The following FLRT1 variants were observed in gnomAD, a reference collection of about 807,000 sequenced individuals.
FLRT1 encodes leucine-rich repeat transmembrane protein FLRT1.
Under a neutral mutation model 30.9 loss-of-function variants are expected in FLRT1, and 14 were observed. That is an observed-to-expected ratio of 0.45 (90% CI 0.30 to 0.71). The LOEUF (loss-of-function observed/expected upper bound fraction) is 0.71. FLRT1 is among the 30% of genes least tolerant of loss of function. The pLI is 0.08. For missense variants in FLRT1, 737 were observed against 949.2 expected (o/e 0.78, Z 2.94); for synonymous variants, 368 against 430.4 (o/e 0.85, Z 1.80).
chr11:64,102,929 G>A (rs542648623), intron 1 of FLRT1, among the ~76,000 whole-genome samples: 22 of 152,238 alleles, frequency 1.4e-4, no homozygotes, highest in African/African-American at 5.3e-4. Context: ...AAATTAGCCG[G>A]GTGTGGTGGC....
intron 1 of FLRT1, among the ~76,000 whole-genome samples, chr11:64,062,220 C>G (rs1943918579): frequency 1.3e-5 from 2 of 152,072 alleles, no homozygotes; most frequent in South Asian, 2.1e-4. Context: ...TTCCACCTCC[C>G]CTTTGCTTCT....
Position 64,100,462 on chromosome 11 carries a change from T to C in FLRT1, c.-1037-2732T>C, listed in dbSNP as rs144372373. Among the ~76,000 whole-genome samples the C allele has an allele frequency of 5.1e-3, 775 of 152,298 alleles. 6 individuals carry two copies. Among genetic ancestry groups the C allele is most frequent in the African/African-American group, 0.018 (744 of 41,556 alleles). Reference sequence around the variant, plus strand: ...GAGCACAGAGACCAGACCTGGAGCCTGTGGGAACGGGGGAGGCCAAGGCGA... The same window carrying C: ...GAGCACAGAGACCAGACCTGGAGCCCGTGGGAACGGGGGAGGCCAAGGCGA... On this transcript the variant is annotated intron_variant, in intron 1 of 2. Coordinates refer to ENST00000682287, the MANE Select transcript of FLRT1 (RefSeq NM_013280.5).
At chr11:64,099,139 G>C (rs567825462) in intron 1 of FLRT1, among the ~76,000 whole-genome samples, 1 of 152,182 alleles carries the variant, frequency 6.6e-6, no homozygotes, top group Non-Finnish European at 1.5e-5. Flanking sequence ...GATTGCCACT[G>C]AGCTCACATG....
intron 1 of FLRT1, among the ~76,000 whole-genome samples, chr11:64,079,291 G>A (rs1023167040): frequency 6.6e-6 from 1 of 152,082 alleles, no homozygotes; most frequent in Non-Finnish European, 1.5e-5. Context: ...TGCAGCTGGC[G>A]CTGCAGATGC....
chr11:64,098,290 C>T lies in FLRT1; in HGVS notation c.-1037-4904C>T, dbSNP rs1259091544. Among the ~76,000 whole-genome samples, 5 of 152,334 alleles carry T rather than the reference C, an allele frequency of 3.3e-5. No individual in the cohort carries two copies. In the South Asian group the frequency reaches 6.2e-4, roughly 19 times the overall value. The stretch of plus-strand genomic sequence containing the variant: ...CCAGGCTCCGGGCCCTGCTTCAGCT[C>T]GGATCACGGCCCTCCACTCACTCAG... On this transcript the variant is annotated intron_variant, in intron 1 of 2. Transcript: ENST00000682287.
chr11:64,100,887 G>A (rs17158803), intron 1 of FLRT1, among the ~76,000 whole-genome samples: 7,308 of 152,222 alleles, frequency 0.048, 253 homozygotes, highest in East Asian at 0.18. Flanking sequence ...AGGGAAGGTG[G>A]ACTGAGGACA....
At chr11:64,054,202 C>T (rs1057479748) in intron 1 of FLRT1, among the ~76,000 whole-genome samples, 15 of 152,178 alleles carry the variant, frequency 9.9e-5, no homozygotes, top group African/African-American at 3.6e-4. Context: ...TCCCTGGGGA[C>T]GTCTTTAGGT....
intron 2 of FLRT1, among the ~76,000 whole-genome samples, chr11:64,110,113 G>A (rs999376830): frequency 4.6e-5 from 7 of 152,112 alleles, no homozygotes; most frequent in Non-Finnish European, 7.4e-5. Flanking sequence ...ATTTATAGAT[G>A]AGGAAATCAA....
intron 1 of FLRT1, among the ~76,000 whole-genome samples, chr11:64,084,415 C>T (rs990623355): frequency 3.9e-5 from 6 of 152,212 alleles, no homozygotes; most frequent in African/African-American, 7.2e-5. Flanking sequence ...CTACCTTTCC[C>T]GCGAAGCCCC....
Position 64,067,071 on chromosome 11 carries a change from T to C in FLRT1, c.-1038+30912T>C, listed in dbSNP as rs934037585. ...CCCCCATGCCCAATGTCCTGGCTCA[T>C]TTGGGTAAACTAAGGCCTGGCAGAA... On this transcript the variant is annotated intron_variant, in intron 1 of 2. Coordinates refer to ENST00000682287, the MANE Select transcript of FLRT1 (RefSeq NM_013280.5). The surrounding 1 kb of genome is among the most constrained non-coding windows in gnomAD (Gnocchi z 4.6). Among the ~76,000 whole-genome samples, 2 of 152,142 alleles carry C rather than the reference T, an allele frequency of 1.3e-5. No homozygotes were observed. The highest frequency in any genetic ancestry group is 2.9e-5 in the Non-Finnish European group (2 of 68,018).
intron 2 of FLRT1, among the ~76,000 whole-genome samples, chr11:64,107,922 G>A (rs546804470): frequency 2.0e-5 from 3 of 152,316 alleles, no homozygotes; most frequent in Admixed American, 1.3e-4. Context: ...AGGGAAGAAT[G>A]GCTCATTGCT....
chr11:64,089,334 G>A (rs1944449919), intron 1 of FLRT1, among the ~76,000 whole-genome samples: 1 of 152,136 alleles, frequency 6.6e-6, no homozygotes, highest in South Asian at 2.1e-4. Flanking sequence ...CCAGGGATTC[G>A]GACCCAAACT....
At chr11:64,081,179 G>A (rs1203165763) in intron 1 of FLRT1, among the ~76,000 whole-genome samples, 2 of 152,278 alleles carry the variant, frequency 1.3e-5, no homozygotes, top group Non-Finnish European at 2.9e-5. Context: ...CCACCACCAT[G>A]CCTAGCTAAT....
chr11:64,116,108 A>C (rs1944974022), intron 2 of FLRT1, 111 bp from the exon 3 acceptor site: 1 of 1,142,330 alleles, frequency 8.8e-7, no homozygotes, highest in South Asian at 1.7e-5. Context: ...GCAGGACCGG[A>C]CTTCGGTCAC....
At chr11:64,054,371 G>C (rs1158082301) in intron 1 of FLRT1, among the ~76,000 whole-genome samples, 2 of 152,228 alleles carry the variant, frequency 1.3e-5, no homozygotes, top group Admixed American at 1.3e-4. Flanking sequence ...CCAGGAGACT[G>C]AGTGCTTTCG....
At chr11:64,094,669 C>T (rs990376407) in intron 1 of FLRT1, among the ~76,000 whole-genome samples, 5 of 152,192 alleles carry the variant, frequency 3.3e-5, no homozygotes, top group East Asian at 1.9e-4. Context: ...CTGCTGCGGG[C>T]GGGACCATTT....
At chr11:64,080,646 G>A (rs1944286806) in intron 1 of FLRT1, among the ~76,000 whole-genome samples, 1 of 152,184 alleles carries the variant, frequency 6.6e-6, no homozygotes, top group Non-Finnish European at 1.5e-5. Context: ...ACGTTTATGA[G>A]CCTCCCCTCC....
chr11:64,059,829 G>C, intron 1 of FLRT1, among the ~76,000 whole-genome samples: 1 of 152,356 alleles, frequency 6.6e-6, no homozygotes, highest in East Asian at 1.9e-4. Context: ...GACCCCGAGA[G>C]GCCCGCCCCT....
At chr11:64,089,437 G>A (rs1197135886) in intron 1 of FLRT1, among the ~76,000 whole-genome samples, 2 of 152,320 alleles carry the variant, frequency 1.3e-5, no homozygotes, top group East Asian at 1.9e-4. Flanking sequence ...TGGAGGAGTC[G>A]TCACCTCACG....
Sources: gnomAD v4.1 joint callset for allele counts (sites outside exome capture counted in the v4.1 genomes callset) on GRCh38, gnomAD v4.1.1 for gene constraint, Gnocchi (gnomAD v3.1) non-coding constraint, MANE v1.5 for transcripts, NCBI Gene and HGNC (gene_info 2026-07-23, HGNC 2026-07-21) for gene names.